Variants in COL4A2 observed in about 807,000 individuals in gnomAD.
The protein encoded by COL4A2 is collagen alpha-2(IV) chain.
COL4A2 carries 99 observed loss-of-function variants against 200.2 expected under a neutral mutation model. That is an observed-to-expected ratio of 0.49 (90% CI 0.42 to 0.58). The LOEUF (loss-of-function observed/expected upper bound fraction) is 0.58, where lower values mean the gene tolerates loss of function less well. COL4A2 is among the 20% of genes least tolerant of loss of function. The pLI, the probability that COL4A2 is intolerant of heterozygous loss-of-function variation, is 0.00. For missense variants in COL4A2, 1,950 were observed against 2,314.1 expected (o/e 0.84, Z 3.23); for synonymous variants, 897 against 900.6 (o/e 1.00, Z 0.07).
chr13:110,481,472 GT>G (rs765669070), intron 31 of COL4A2, among the ~76,000 whole-genome samples: 6 of 10,152 alleles, frequency 5.9e-4, no homozygotes, highest in Non-Finnish European at 8.1e-4. Context: ...GTGTCCCTCC[GT>G]TGCTGGAGAC....
At chr13:110,455,937 C>T (rs776151913) in intron 20 of COL4A2, among the ~76,000 whole-genome samples, 4 of 152,256 alleles carry the variant, frequency 2.6e-5, no homozygotes, top group Middle Eastern at 3.4e-3. Flanking sequence ...GTGCCATTTG[C>T]CCATTGGAGC....
At chr13:110,324,883 T>G (rs926826174) in intron 3 of COL4A2, among the ~76,000 whole-genome samples, 1 of 152,142 alleles carries the variant, frequency 6.6e-6, no homozygotes, top group African/African-American at 2.4e-5. Context: ...AGGAATTGGG[T>G]GAGGGAAAGA....
chr13:110,412,166 A>C (rs1015678698), intron 4 of COL4A2, among the ~76,000 whole-genome samples: 4 of 152,230 alleles, frequency 2.6e-5, no homozygotes, highest in African/African-American at 9.6e-5. Context: ...GGAATTGTCC[A>C]ACCAATCAGT....
intron 4 of COL4A2, among the ~76,000 whole-genome samples, chr13:110,376,567 C>A (rs1237420492): frequency 1.3e-5 from 2 of 152,054 alleles, no homozygotes; most frequent in Admixed American, 6.5e-5. Context: ...TTATAAAAAT[C>A]ATCGTTTTTA....
intron 3 of COL4A2, 97 bp from the exon 4 acceptor site, chr13:110,357,375 T>G: frequency 6.7e-7 from 1 of 1,482,526 alleles, no homozygotes; most frequent in South Asian, 1.3e-5. Flanking sequence ...GAATCGTTTC[T>G]AGAGTTGGAA....
rs1882053310 is a variant in COL4A2 at position 110,462,186 on chromosome 13, G to A, written c.1669G>A (p.Gly557Ser). 6.2e-7 allele frequency: 1 copy of A among 1,614,280 alleles called. No individual in the cohort carries two copies. Among genetic ancestry groups the A allele is most frequent in the East Asian group, 2.2e-5 (1 of 44,884 alleles). ...KGDSRTITTK[G>S]ERGQPGVPGV... ...AGATTCCAGAACAATCACAACCAAA[G>A]GTGAGTTCCTCTCTGGCCACGCGGC... is the stretch of plus-strand genomic sequence containing the variant. Residue 557 changes from glycine (G) to serine (S), a missense_variant and splice_region_variant, in exon 23 of 48, where the codon GGT (glycine) becomes AGT (serine). By Grantham distance (56) the Gly-to-Ser change is moderately conservative. This residue lies in a region of COL4A2 where 1,385 missense variants were observed against 1,720.5 expected (regional missense o/e 0.80). Transcript: ENST00000360467.
Position 110,439,843 on chromosome 13 carries a change from A to C in COL4A2, c.957+10A>C, listed in dbSNP as rs1361491069. ...ATCACCAGGACAGAAGGTAAGTTGG[A>C]TGCATGAACTGCAGTCTGCTCTGGG... is the stretch of plus-strand genomic sequence containing the variant. On this transcript the variant is annotated intron_variant, in intron 16 of 47. Coordinates refer to ENST00000360467, the MANE Select transcript of COL4A2 (RefSeq NM_001846.4). The C allele has an allele frequency of 6.2e-7, 1 of 1,613,818 alleles. No individual in the cohort carries two copies. Among genetic ancestry groups the C allele is most frequent in the African/African-American group, 1.3e-5 (1 of 74,912 alleles).
intron 14 of COL4A2, 47 bp from the exon 15 acceptor site, chr13:110,438,570 AG>A (rs781165601): frequency 1.2e-6 from 2 of 1,612,698 alleles, no homozygotes; most frequent in South Asian, 2.2e-5. Context: ...TGTTGGCTGG[AG>A]GGGCCGCCCC....
chr13:110,425,417 A>G (rs1225411278), intron 6 of COL4A2, among the ~76,000 whole-genome samples: 1 of 152,234 alleles, frequency 6.6e-6, no homozygotes, highest in African/African-American at 2.4e-5. Flanking sequence ...AACCTCACAT[A>G]AAACGAAAAA....
intron 44 of COL4A2, 55 bp from the exon 45 acceptor site, chr13:110,504,093 G>T: frequency 6.3e-7 from 1 of 1,587,256 alleles, no homozygotes; most frequent in South Asian, 1.1e-5. Flanking sequence ...GTGGATCGCC[G>T]GCCGTGCCAG....
chr13:110,336,914 A>G (rs1211518568), intron 3 of COL4A2, among the ~76,000 whole-genome samples: 1 of 152,190 alleles, frequency 6.6e-6, no homozygotes, highest in Non-Finnish European at 1.5e-5. Context: ...ATCCATTCCC[A>G]CGTGGCCTGG....
intron 29 of COL4A2, among the ~76,000 whole-genome samples, chr13:110,475,110 A>T (rs950611991): frequency 1.3e-5 from 2 of 152,264 alleles, no homozygotes; most frequent in African/African-American, 4.8e-5. Flanking sequence ...ACACATACAC[A>T]TCCAACCCTG....
intron 21 of COL4A2, among the ~76,000 whole-genome samples, chr13:110,458,466 T>C (rs1267288155): frequency 6.6e-6 from 1 of 152,230 alleles, no homozygotes; most frequent in Non-Finnish European, 1.5e-5. Context: ...CTGAATTCCT[T>C]AACCTCCTTC....
At chr13:110,424,232 GACAA>G (rs575335947) in intron 4 of COL4A2, among the ~76,000 whole-genome samples, 253 of 150,938 alleles carry the variant, frequency 1.7e-3, no homozygotes, top group African/African-American at 5.8e-3. Context: ...ATTTAGTGTG[GACAA>G]ACATTTTTAT....
intron 4 of COL4A2, among the ~76,000 whole-genome samples, chr13:110,379,755 G>GC (rs891158885): frequency 6.6e-6 from 1 of 152,140 alleles, no homozygotes; most frequent in Non-Finnish European, 1.5e-5. Flanking sequence ...GTGTTGATGA[G>GC]CCCCCCACTC....
At chr13:110,331,596 C>T (rs1269991355) in intron 3 of COL4A2, among the ~76,000 whole-genome samples, 1 of 152,162 alleles carries the variant, frequency 6.6e-6, no homozygotes, top group Non-Finnish European at 1.5e-5. Context: ...CCGCCGGCAG[C>T]TCTTGATTCA....
chr13:110,497,228 CAG>C (rs1389142601), intron 40 of COL4A2, among the ~76,000 whole-genome samples: 2 of 149,498 alleles, frequency 1.3e-5, no homozygotes, highest in East Asian at 2.0e-4. Flanking sequence ...CAACGTCACT[CAG>C]GGGTGAAGAT....
At chr13:110,477,742 C>T (rs1320081811) in intron 29 of COL4A2, among the ~76,000 whole-genome samples, 1 of 152,174 alleles carries the variant, frequency 6.6e-6, no homozygotes, top group Non-Finnish European at 1.5e-5. Flanking sequence ...ACTTATAGTG[C>T]CATGTCAACT....
intron 27 of COL4A2, chr13:110,468,262 G>C (rs1321684700): frequency 2.1e-6 from 1 of 471,704 alleles, no homozygotes; most frequent in Non-Finnish European, 4.4e-6. Flanking sequence ...AAGGCTCCTT[G>C]TGTTGTCTTC....
Sources: gnomAD v4.1 joint callset for allele counts (sites outside exome capture counted in the v4.1 genomes callset) on GRCh38, gnomAD v4.1.1 for gene constraint, gnomAD v4.1.1 regional missense constraint, MANE v1.5 for transcripts, NCBI Gene and HGNC (gene_info 2026-07-23, HGNC 2026-07-21) for gene names.